The following CCDC177 variants were observed in gnomAD, a reference collection of about 807,000 sequenced individuals.
CCDC177 encodes coiled-coil domain containing 177.
In CCDC177, 2 loss-of-function variants were observed where a neutral mutation model predicts 7.3. The observed-to-expected ratio is 0.28, with a 90% confidence interval of 0.11 to 0.87. CCDC177 has a LOEUF of 0.87. Ranked by LOEUF, CCDC177 falls within the 40% of genes least tolerant of loss-of-function variation. CCDC177 has a pLI of 0.61. For synonymous variants in CCDC177, 401 were observed against 449.2 expected (o/e 0.89, Z 1.36); for missense variants, 874 against 970.5 (o/e 0.90, Z 1.32).
chr14:69,573,424 C>A lies in CCDC177; in HGVS notation c.199G>T (p.Glu67Ter). ...TCGAGGTGCAGCAGCGGGGACTGCT[C>A]CCGCCGCCCGCCTTCTGCGGCTGCA... ...PCAAAEGGRR[E>*]QSPLLHLDLF... is the part of the protein sequence containing the mutation. The change falls in exon 2 of 2, where the codon GAG (glutamate) becomes TAG (stop). Residue 67 changes from glutamate to a stop codon, truncating the protein, a stop_gained. Coordinates refer to ENST00000599174, the MANE Select transcript of CCDC177 (RefSeq NM_001271507.2). LOFTEE classifies it low-confidence loss of function (END_TRUNC). 8.1e-7 allele frequency: 1 copy of A among 1,231,382 alleles called. No individual in the cohort carries two copies. The highest frequency in any genetic ancestry group is 4.1e-5 in the South Asian group (1 of 24,322). 76.3% of individuals were successfully genotyped at this position (1,231,382 alleles called of 1,614,324 possible). A position where few individuals can be genotyped will look rare whatever the true frequency, so the allele number is the denominator to read the frequency against.
In CCDC177 at chr14:69,573,302, C is replaced by T. The variant is rs559226383; in HGVS notation, c.321G>A (p.Pro107=). Residue 107 remains proline (P), a synonymous_variant, in exon 2 of 2, where the codon CCG becomes CCA. Transcript: ENST00000599174. The stretch of plus-strand genomic sequence containing the variant: ...CCAGGGCCCGTGGCAGCAGCTCCAC[C>T]GGCTTGACCGCACAGCGGGCGCAGG... The part of the protein sequence containing the change: ...LEACARCAVK[P]VELLPRALAD... The T allele has an allele frequency of 1.3e-4, 154 of 1,231,310 alleles. No homozygotes were observed. In the East Asian group the frequency reaches 3.5e-3, roughly 28 times the overall value. The allele number at this position is 1,231,310 out of a possible 1,614,324, so 76.3% of individuals were successfully genotyped here. A position where few individuals can be genotyped will look rare whatever the true frequency, so the allele number is the denominator to read the frequency against.
In CCDC177 at chr14:69,572,138, G is replaced by C. The variant is rs1208741610; in HGVS notation, c.1485C>G (p.Gly495=). 3 of 1,230,802 alleles carry C rather than the reference G, an allele frequency of 2.4e-6. No individual in the cohort carries two copies. Among genetic ancestry groups the C allele is most frequent in the African/African-American group, 3.1e-5 (2 of 64,312 alleles). The allele number at this position is 1,230,802 out of a possible 1,614,324, so 76.2% of individuals were successfully genotyped here. A position where few individuals can be genotyped will look rare whatever the true frequency, so the allele number is the denominator to read the frequency against. The change falls in exon 2 of 2, where the codon GGC becomes GGG. Residue 495 remains glycine, a synonymous_variant. Transcript: ENST00000599174. Reference sequence around the variant, plus strand: ...GCTCCCGCTTCTCCCGCTGCAGCTGGCCCTCCTGCCGCTGCTTGGCGCGGG... The same window carrying C: ...GCTCCCGCTTCTCCCGCTGCAGCTGCCCCTCCTGCCGCTGCTTGGCGCGGG... The part of the protein sequence containing the change: ...RAARAKQRQE[G]QLQREKRELS...
intron 1 of CCDC177, among the ~76,000 whole-genome samples, 169 bp downstream of exon 1, chr14:69,574,373 C>T (rs1354349567): frequency 6.6e-6 from 1 of 152,154 alleles, no homozygotes; most frequent in African/African-American, 2.4e-5. Flanking sequence ...GGATCTCCTC[C>T]AAGTCTGAAT....
rs958922835 is a variant in CCDC177 at position 69,572,448 on chromosome 14, C to T, written c.1175G>A (p.Arg392His). Residue 392 changes from arginine (R) to histidine (H), a missense_variant, in exon 2 of 2, where the codon CGC becomes CAC. Transcript: ENST00000599174. Reference protein sequence around the residue: ...REKQRALEQGRRAWAAQVEER... With the variant: ...REKQRALEQGHRAWAAQVEER... ...CTCCACCTGCGCGGCCCAGGCTCGG[C>T]GGCCCTGCTCTAGGGCGCGCTGCTT... 25 of 1,229,004 alleles carry T rather than the reference C, an allele frequency of 2.0e-5. No homozygotes were observed. Among genetic ancestry groups the T allele is most frequent in the Non-Finnish European group, 2.4e-5 (24 of 986,376 alleles). 76.1% of individuals were successfully genotyped at this position (1,229,004 alleles called of 1,614,324 possible).
Position 69,570,853 on chromosome 14 carries a change from TCTAACTAGA to T in CCDC177, c.*637_*645del. 1 of 457,536 alleles carries T rather than the reference TCTAACTAGA, an allele frequency of 2.2e-6. No homozygotes were observed. The highest frequency in any genetic ancestry group is 4.4e-6 in the Non-Finnish European group (1 of 226,776). The allele number at this position is 457,536 out of a possible 1,614,324, so 28.3% of individuals were successfully genotyped here. A position where few individuals can be genotyped will look rare whatever the true frequency, so the allele number is the denominator to read the frequency against. The stretch of plus-strand genomic sequence containing the variant: ...ATTGAACATTATCTGCAGATGACTG[TCTAACTAGA>T]AAACCCAAGGGACTAAACTGGAAAA... On this transcript the variant is annotated 3_prime_UTR_variant, in exon 2 of 2. Transcript: ENST00000599174.
At position 69,570,632 on chromosome 14, in the gene CCDC177, T is replaced by A; in HGVS notation, c.*867A>T. On this transcript the variant is annotated 3_prime_UTR_variant, in exon 2 of 2. Coordinates refer to ENST00000599174, the MANE Select transcript of CCDC177 (RefSeq NM_001271507.2). ...CCTGGGCAGGCACGTAAGGTAGCTC[T>A]GCTTCTTAAGGCATGACTGCTGTCT... is the stretch of plus-strand genomic sequence containing the variant. 2.7e-6 allele frequency: 1 copy of A among 364,548 alleles called. No individual in the cohort carries two copies. Among genetic ancestry groups the A allele is most frequent in the Non-Finnish European group, 5.3e-6 (1 of 186,936 alleles). The allele number at this position is 364,548 out of a possible 1,614,324, so 22.6% of individuals were successfully genotyped here.
In CCDC177 at chr14:69,573,228, C is replaced by T; in HGVS notation, c.395G>A (p.Gly132Asp). The stretch of plus-strand genomic sequence containing the variant: ...CTCCGCCTCGTAGGCCTCATACAGG[C>T]CGGTGGCCACCCGCATGGAGCGGCC... ...APGRSMRVAT[G>D]LYEAYEAERR... Residue 132 changes from glycine to aspartate, a missense_variant, in exon 2 of 2, where the codon GGC (glycine) becomes GAC (aspartate). By Grantham distance (94) the Gly-to-Asp change is moderately conservative (BLOSUM62 -1). Transcript: ENST00000599174. 8.1e-7 allele frequency: 1 copy of T among 1,230,838 alleles called. No individual in the cohort carries two copies. Among genetic ancestry groups the T allele is most frequent in the Non-Finnish European group, 1.0e-6 (1 of 987,408 alleles). 76.2% of individuals were successfully genotyped at this position (1,230,838 alleles called of 1,614,324 possible). A position where few individuals can be genotyped will look rare whatever the true frequency, so the allele number is the denominator to read the frequency against.
rs372184432 is a variant in CCDC177, at chr14:69,571,850, C to A, written c.1773G>T (p.Ala591=). Residue 591 remains alanine, a synonymous_variant, in exon 2 of 2, where the codon GCG becomes GCT. Coordinates refer to ENST00000599174, the MANE Select transcript of CCDC177 (RefSeq NM_001271507.2). ...TCGCGTGCTGCAGCCGTCGCTCCCC[C>A]GCCCGGGCCAGCGCCTCCAGGTGCG... ...HQAHLEALAR[A]GERRLQHATQ... 1.1e-5 allele frequency: 13 copies of A among 1,231,550 alleles called. No individual in the cohort carries two copies. The highest frequency in any genetic ancestry group is 1.3e-5 in the Non-Finnish European group (13 of 987,976). The allele number at this position is 1,231,550 out of a possible 1,614,324, so 76.3% of individuals were successfully genotyped here. A position where few individuals can be genotyped will look rare whatever the true frequency, so the allele number is the denominator to read the frequency against.
Position 69,569,834 on chromosome 14 carries a change from T to C in CCDC177, c.*1665A>G, listed in dbSNP as rs1884286949. 6.6e-6 allele frequency: 1 copy of C among 151,814 alleles called. No individual in the cohort carries two copies. Among genetic ancestry groups the C allele is most frequent in the African/African-American group, 2.4e-5 (1 of 41,380 alleles). The allele number at this position is 151,814 out of a possible 1,614,324, so 9.4% of individuals were successfully genotyped here. A position where few individuals can be genotyped will look rare whatever the true frequency, so the allele number is the denominator to read the frequency against. ...CAGAATATATATGAAATATGTTTAA[T>C]GTAGCAGTTCTCTACCCTGTTTCCA... On this transcript the variant is annotated 3_prime_UTR_variant, in exon 2 of 2. Transcript: ENST00000599174.
rs1033152022 is a variant in CCDC177, at chr14:69,572,447, G to A, written c.1176C>T (p.Arg392=). The change falls in exon 2 of 2, where the codon CGC becomes CGT. Residue 392 remains arginine (R), a synonymous_variant. Coordinates refer to ENST00000599174, the MANE Select transcript of CCDC177 (RefSeq NM_001271507.2). ...REKQRALEQG[R]RAWAAQVEER... Reference sequence around the variant, plus strand: ...CCTCCACCTGCGCGGCCCAGGCTCGGCGGCCCTGCTCTAGGGCGCGCTGCT... The same window carrying A: ...CCTCCACCTGCGCGGCCCAGGCTCGACGGCCCTGCTCTAGGGCGCGCTGCT... 1 of 1,228,908 alleles carries A rather than the reference G, an allele frequency of 8.1e-7. No homozygotes were observed. Among genetic ancestry groups the A allele is most frequent in the Middle Eastern group, 3.1e-4 (1 of 3,192 alleles). The allele number at this position is 1,228,908 out of a possible 1,614,324, so 76.1% of individuals were successfully genotyped here.
rs1252727703 is a variant in CCDC177, at chr14:69,570,217, C to G, written c.*1282G>C. ...AGGTCAAGAAAGGCACAAAAAGGAC[C>G]AACAAATAATACTGACATGGTGCTT... On this transcript the variant is annotated 3_prime_UTR_variant, in exon 2 of 2. Coordinates refer to ENST00000599174, the MANE Select transcript of CCDC177 (RefSeq NM_001271507.2). 1 of 153,200 alleles carries G rather than the reference C, an allele frequency of 6.5e-6. No individual in the cohort carries two copies. Among genetic ancestry groups the G allele is most frequent in the Non-Finnish European group, 1.5e-5 (1 of 68,774 alleles). The allele number at this position is 153,200 out of a possible 1,614,324, so 9.5% of individuals were successfully genotyped here.
chr14:69,571,704 C>A lies in CCDC177; in HGVS notation c.1919G>T (p.Arg640Leu). The A allele has an allele frequency of 8.1e-7, 1 of 1,231,818 alleles. No homozygotes were observed. Among genetic ancestry groups the A allele is most frequent in the Non-Finnish European group, 1.0e-6 (1 of 988,054 alleles). The allele number at this position is 1,231,818 out of a possible 1,614,324, so 76.3% of individuals were successfully genotyped here. The change falls in exon 2 of 2, where the codon CGG (arginine) becomes CTG (leucine). Residue 640 changes from arginine (R) to leucine (L), a missense_variant. Physicochemically the swap from Arg to Leu is moderately radical, Grantham distance 102 (BLOSUM62 -2). Coordinates refer to ENST00000599174, the MANE Select transcript of CCDC177 (RefSeq NM_001271507.2). ...CCCGATGGCCTGGAGTAGCTCTCGC[C>A]GGCGGCAGTCTTCGTCCCTCTCCAC... is the stretch of plus-strand genomic sequence containing the variant. ...EKVERDEDCR[R>L]RELLQAIGRK...
In CCDC177 at chr14:69,573,389, G is replaced by A; in HGVS notation, c.234C>T (p.Asn78=). 1.9e-5 allele frequency: 24 copies of A among 1,231,390 alleles called. No individual in the cohort carries two copies. Among genetic ancestry groups the A allele is most frequent in the Non-Finnish European group, 2.4e-5 (24 of 987,728 alleles). The allele number at this position is 1,231,390 out of a possible 1,614,324, so 76.3% of individuals were successfully genotyped here. A position where few individuals can be genotyped will look rare whatever the true frequency, so the allele number is the denominator to read the frequency against. ...QSPLLHLDLF[N]FDCPEAEGSR... ...TGCCCTCCGCCTCTGGGCAGTCGAA[G>A]TTGAAGAGGTCGAGGTGCAGCAGCG... is the stretch of plus-strand genomic sequence containing the variant. The change falls in exon 2 of 2, where the codon AAC becomes AAT. Residue 78 remains asparagine (N), a synonymous_variant. Coordinates refer to ENST00000599174, the MANE Select transcript of CCDC177 (RefSeq NM_001271507.2).
rs796839012 is a variant in CCDC177, at chr14:69,569,869, T to TG, written c.*1629_*1630insC. 2 of 152,158 alleles carry TG rather than the reference T, an allele frequency of 1.3e-5. No individual in the cohort carries two copies. The highest frequency in any genetic ancestry group is 2.9e-5 in the Non-Finnish European group (2 of 68,020). The allele number at this position is 152,158 out of a possible 1,614,324, so 9.4% of individuals were successfully genotyped here. A position where few individuals can be genotyped will look rare whatever the true frequency, so the allele number is the denominator to read the frequency against. ...CTCTACCCTGTTTCCATTTTTTTTT[T>TG]TTGGTAACATTTTATTCCTGATCCT... On this transcript the variant is annotated 3_prime_UTR_variant, in exon 2 of 2. Transcript: ENST00000599174.
Position 69,573,110 on chromosome 14 carries a change from G to C in CCDC177, c.513C>G (p.Ala171=). 2.5e-6 allele frequency: 3 copies of C among 1,221,844 alleles called. No individual in the cohort carries two copies. The highest frequency in any genetic ancestry group is 3.1e-6 in the Non-Finnish European group (3 of 982,324). 75.7% of individuals were successfully genotyped at this position (1,221,844 alleles called of 1,614,324 possible). The change falls in exon 2 of 2, where the codon GCC becomes GCG. Residue 171 remains alanine (A), a synonymous_variant. Transcript: ENST00000599174. ...CCGCGGCGGCGGCGGCGGCGGCGGC[G>C]GCCGCGGGGCTCAAAGGCGTGAAAA... ...RRLFTPLSPA[A]AAAAAAAAAS...
rs1595013226 is a variant in CCDC177 at position 69,573,512 on chromosome 14, G to A, written c.111C>T (p.Pro37=). The change falls in exon 2 of 2, where the codon CCC becomes CCT. Residue 37 remains proline (P), a synonymous_variant. Transcript: ENST00000599174. ...CCGAGGCCGAGGCCGAGGAAGCTGC[G>A]GGCTCCTGTGCGCCCTGGGAATCAG... is the stretch of plus-strand genomic sequence containing the variant. ...VPPDSQGAQE[P]AASSASASAS... 1.6e-6 allele frequency: 2 copies of A among 1,231,602 alleles called. No individual in the cohort carries two copies. The highest frequency in any genetic ancestry group is 6.3e-5 in the East Asian group (2 of 31,700). The allele number at this position is 1,231,602 out of a possible 1,614,324, so 76.3% of individuals were successfully genotyped here. A position where few individuals can be genotyped will look rare whatever the true frequency, so the allele number is the denominator to read the frequency against.
chr14:69,571,746 C>T lies in CCDC177; in HGVS notation c.1877G>A (p.Arg626His). ...QSRLEKERAQRANKEKVERDE... is the reference protein window; with the variant it reads ...QSRLEKERAQHANKEKVERDE... ...CCTCTCCACCTTCTCCTTGTTGGCGCGCTGGGCTCGTTCCTTCTCCAGCCG... is the reference window on the plus strand; with the variant it reads ...CCTCTCCACCTTCTCCTTGTTGGCGTGCTGGGCTCGTTCCTTCTCCAGCCG... Residue 626 changes from arginine (R) to histidine (H), a missense_variant, in exon 2 of 2, where the codon CGC (arginine) becomes CAC (histidine). Arg to His is a conservative substitution (Grantham distance 29, BLOSUM62 0). Transcript: ENST00000599174. 7 of 1,231,600 alleles carry T rather than the reference C, an allele frequency of 5.7e-6. No individual in the cohort carries two copies. The highest frequency in any genetic ancestry group is 7.1e-6 in the Non-Finnish European group (7 of 987,908). 76.3% of individuals were successfully genotyped at this position (1,231,600 alleles called of 1,614,324 possible).
Position 69,571,933 on chromosome 14 carries a change from C to A in CCDC177, c.1690G>T (p.Glu564Ter). The A allele has an allele frequency of 2.4e-6, 3 of 1,232,242 alleles. No individual in the cohort carries two copies. The highest frequency in any genetic ancestry group is 3.0e-6 in the Non-Finnish European group (3 of 988,426). 76.3% of individuals were successfully genotyped at this position (1,232,242 alleles called of 1,614,324 possible). A position where few individuals can be genotyped will look rare whatever the true frequency, so the allele number is the denominator to read the frequency against. Reference protein sequence around the residue: ...RELRERARREELQGRRAKEAA... With the variant: ...RELRERARRE ...TCCTTGGCCCGCCGACCCTGCAGCTCCTCTCGCCGGGCCCGCTCCCGCAGC... is the reference window on the plus strand; with the variant it reads ...TCCTTGGCCCGCCGACCCTGCAGCTACTCTCGCCGGGCCCGCTCCCGCAGC... Residue 564 changes from glutamate to a stop codon, truncating the protein, a stop_gained, in exon 2 of 2, where the codon GAG (glutamate) becomes TAG (stop). Transcript: ENST00000599174. LOFTEE classifies it low-confidence loss of function (END_TRUNC).
At position 69,572,102 on chromosome 14, in the gene CCDC177, G is replaced by C; in HGVS notation, c.1521C>G (p.Ala507=). 1.6e-6 allele frequency: 2 copies of C among 1,230,640 alleles called. No homozygotes were observed. Among genetic ancestry groups the C allele is most frequent in the Non-Finnish European group, 1.0e-6 (1 of 987,230 alleles). 76.2% of individuals were successfully genotyped at this position (1,230,640 alleles called of 1,614,324 possible). A position where few individuals can be genotyped will look rare whatever the true frequency, so the allele number is the denominator to read the frequency against. Residue 507 remains alanine, a synonymous_variant, in exon 2 of 2, where the codon GCC becomes GCG. Coordinates refer to ENST00000599174, the MANE Select transcript of CCDC177 (RefSeq NM_001271507.2). ...GCAGCGCCTCGTGGCGCGCCCGCTC[G>C]GCCCGGCTCAGCTCCCGCTTCTCCC... The part of the protein sequence containing the change: ...LQREKRELSR[A]ERARHEALLQ...
Sources: gnomAD v4.1 joint callset for allele counts (sites outside exome capture counted in the v4.1 genomes callset) on GRCh38, gnomAD v4.1.1 for gene constraint, MANE v1.5 for transcripts, NCBI Gene and HGNC (gene_info 2026-07-23, HGNC 2026-07-21) for gene names.